Variants in NAALADL2 observed in about 807,000 individuals in gnomAD.
NAALADL2 encodes N-acetylated alpha-linked acidic dipeptidase like 2.
Under a neutral mutation model 87.2 loss-of-function variants are expected in NAALADL2, and 76 were observed. The observed-to-expected ratio is 0.87, with a 90% CI of 0.72 to 1.05. The LOEUF is 1.05. NAALADL2 is among the 50% of genes least tolerant of loss of function. The probability of loss-of-function intolerance (pLI) is 0.00; values close to 1 mark genes in which losing one functional copy is unlikely to be tolerated. For synonymous variants in NAALADL2, 354 were observed against 331.0 expected (o/e 1.07, Z -0.75); for missense variants, 1,089 against 945.8 (o/e 1.15, Z -1.99).
intron 3 of NAALADL2, among the ~76,000 whole-genome samples, chr3:174,809,957 C>G (rs889056426): frequency 3.3e-5 from 5 of 152,028 alleles, no homozygotes; most frequent in Non-Finnish European, 7.4e-5. Flanking sequence ...GGCACCTCCC[C>G]CCTCTCTTGG....
At chr3:175,784,996 C>T (rs1381080181) in intron 13 of NAALADL2, among the ~76,000 whole-genome samples, 1 of 150,360 alleles carries the variant, frequency 6.7e-6, no homozygotes, top group East Asian at 1.9e-4. Flanking sequence ...TGTCCAGTTT[C>T]CATGTAGTTG....
intron 9 of NAALADL2, among the ~76,000 whole-genome samples, chr3:175,541,532 G>A (rs1712335209): frequency 1.3e-5 from 2 of 152,034 alleles, no homozygotes; most frequent in Admixed American, 1.3e-4. Flanking sequence ...ATATCTGTAT[G>A]GTTACTCAAA....
At chr3:174,882,041 A>G (rs1232388284) in intron 1 of NAALADL2, among the ~76,000 whole-genome samples, 1 of 152,140 alleles carries the variant, frequency 6.6e-6, no homozygotes, top group Admixed American at 6.6e-5. Context: ...CCTGTTTTGT[A>G]TAGCTTTAAT....
chr3:175,327,808 C>G (rs930208613), intron 5 of NAALADL2, among the ~76,000 whole-genome samples: 1 of 152,064 alleles, frequency 6.6e-6, no homozygotes, highest in Non-Finnish European at 1.5e-5. Context: ...TAGTAAGAGT[C>G]TTCATTAAAA....
rs79063794 is a variant in NAALADL2 at position 175,736,738 on chromosome 3, C to T, written c.1897-568C>T. On this transcript the variant is annotated intron_variant, in intron 11 of 13. Transcript: ENST00000454872. ...TTTCAATGTCATTAGGTTATGTATT[C>T]GTCAGTATGTAATTTGGGGAACTCA... is the stretch of plus-strand genomic sequence containing the variant. 5.5e-3 allele frequency among the ~76,000 whole-genome samples: 837 copies of T among 152,290 alleles called. 8 individuals carry two copies. Among genetic ancestry groups the T allele is most frequent in the African/African-American group, 0.019 (784 of 41,554 alleles).
chr3:175,641,725 C>T (rs1044230441), intron 11 of NAALADL2, among the ~76,000 whole-genome samples: 7 of 152,220 alleles, frequency 4.6e-5, no homozygotes, highest in Admixed American at 1.3e-4. Flanking sequence ...ACCCAACATA[C>T]GCACTCTCTT....
chr3:174,566,686 T>C (rs1328524852), intron 2 of NAALADL2, among the ~76,000 whole-genome samples: 1 of 151,870 alleles, frequency 6.6e-6, no homozygotes, highest in Non-Finnish European at 1.5e-5. Flanking sequence ...CTCCAACTAC[T>C]TAATTTCTTC....
chr3:175,054,670 G>A (rs1711730591), intron 1 of NAALADL2, among the ~76,000 whole-genome samples: 1 of 152,190 alleles, frequency 6.6e-6, no homozygotes, highest in South Asian at 2.1e-4. Flanking sequence ...GGTTCTGGAT[G>A]CTTAACAATG....
chr3:175,095,453 A>G (rs532531767), intron 1 of NAALADL2, among the ~76,000 whole-genome samples: 126 of 152,194 alleles, frequency 8.3e-4, no homozygotes, highest in Admixed American at 1.5e-3. Context: ...TATTGAGTCA[A>G]TGCTAGGTAA....
intron 1 of NAALADL2, among the ~76,000 whole-genome samples, chr3:174,470,410 G>T (rs543461280): frequency 8.6e-5 from 13 of 151,946 alleles, no homozygotes; most frequent in African/African-American, 3.1e-4. Flanking sequence ...GTCCTTTGTC[G>T]CATGCATAGC....
In NAALADL2 at chr3:175,715,090, A is replaced by G. The variant is rs569481682; in HGVS notation, c.1897-22216A>G. Among the ~76,000 whole-genome samples, 24 of 152,326 alleles carry G rather than the reference A, an allele frequency of 1.6e-4. No individual in the cohort carries two copies. The South Asian group carries it at 5.0e-3, about 32-fold the overall frequency. Reference sequence around the variant, plus strand: ...ATTCTTTACATTACCATTAACAGTAATAATGTATTAATCATACGTGGAACC... The same window carrying G: ...ATTCTTTACATTACCATTAACAGTAGTAATGTATTAATCATACGTGGAACC... On this transcript the variant is annotated intron_variant, in intron 11 of 13. Coordinates refer to ENST00000454872, the MANE Select transcript of NAALADL2 (RefSeq NM_207015.3).
chr3:175,011,320 G>GAGAGAGAGAGAGAT (rs1491557704), intron 1 of NAALADL2, among the ~76,000 whole-genome samples: 2 of 141,728 alleles, frequency 1.4e-5, no homozygotes, highest in African/African-American at 5.1e-5. Flanking sequence ...GAGAGAGAGA[G>GAGAGAGAGAGAGAT]ACTAATTCTG....
intron 9 of NAALADL2, among the ~76,000 whole-genome samples, chr3:175,529,924 T>C (rs1482019617): frequency 6.6e-6 from 1 of 152,128 alleles, no homozygotes; most frequent in Non-Finnish European, 1.5e-5. Flanking sequence ...AGGTCCAATA[T>C]AATCAACCTG....
chr3:175,179,644 G>C (rs1020617245), intron 2 of NAALADL2, among the ~76,000 whole-genome samples: 2 of 151,902 alleles, frequency 1.3e-5, no homozygotes, highest in African/African-American at 4.8e-5. Context: ...GTTATTTGTA[G>C]GTTCCATAGA....
At chr3:175,258,203 G>A (rs1409985563) in intron 4 of NAALADL2, among the ~76,000 whole-genome samples, 1 of 151,716 alleles carries the variant, frequency 6.6e-6, no homozygotes, top group Non-Finnish European at 1.5e-5. Flanking sequence ...AGCTACTTGG[G>A]AGGCTGAGGC....
At chr3:175,003,082 C>G (rs996853980) in intron 1 of NAALADL2, among the ~76,000 whole-genome samples, 4 of 152,188 alleles carry the variant, frequency 2.6e-5, no homozygotes, top group African/African-American at 9.7e-5. Context: ...TGGATGATAT[C>G]TGCAAGACTT....
At chr3:175,738,283 T>C (rs1382702152) in intron 12 of NAALADL2, among the ~76,000 whole-genome samples, 1 of 152,110 alleles carries the variant, frequency 6.6e-6, no homozygotes, top group Admixed American at 6.5e-5. Context: ...TCTCACTGTC[T>C]ATTGCCCAGG....
chr3:174,559,763 A>G (rs1206330803), intron 2 of NAALADL2, among the ~76,000 whole-genome samples: 2 of 152,134 alleles, frequency 1.3e-5, no homozygotes, highest in Non-Finnish European at 2.9e-5. Context: ...TGGTAATTCC[A>G]TTTATGAGGG....
At chr3:174,654,060 T>TTGTGTGTGTGTGTGTG (rs137877260) in intron 2 of NAALADL2, among the ~76,000 whole-genome samples, 4 of 143,962 alleles carry the variant, frequency 2.8e-5, no homozygotes, top group African/African-American at 1.0e-4. Flanking sequence ...TAAGATGGCT[T>TTGTGTGTGTGTGTGTG]TGTGTGTGTG....
Sources: gnomAD v4.1 joint callset for allele counts (sites outside exome capture counted in the v4.1 genomes callset) on GRCh38, gnomAD v4.1.1 for gene constraint, MANE v1.5 for transcripts, NCBI Gene and HGNC (gene_info 2026-07-23, HGNC 2026-07-21) for gene names.